CEP128: variants seen among roughly 807,000 people sequenced by gnomAD.
The protein encoded by CEP128 is centrosomal protein 128.
A neutral mutation model predicts 156.7 loss-of-function variants in CEP128; 132 were observed. The observed-to-expected ratio is 0.84, with a 90% CI of 0.73 to 0.97. The LOEUF (loss-of-function observed/expected upper bound fraction) is 0.97, where lower values mean the gene tolerates loss of function less well. CEP128 is among the 50% of genes least tolerant of loss of function. CEP128 has a pLI of 0.00. For synonymous variants in CEP128, 469 were observed against 448.9 expected, an observed-to-expected ratio of 1.04 and a Z score of -0.57; for missense variants, 1,252 against 1,281.9, an observed-to-expected ratio of 0.98 and a Z score of 0.36.
chr14:80,620,334 C>T (rs145790130), intron 19 of CEP128, among the ~76,000 whole-genome samples: 3,537 of 152,014 alleles, frequency 0.023, 53 homozygotes, highest in Non-Finnish European at 0.028. Context: ...ATTTGAGATG[C>T]TACATAATGA....
chr14:80,931,453 T>C (rs1885461258), intron 2 of CEP128, among the ~76,000 whole-genome samples: 1 of 152,234 alleles, frequency 6.6e-6, no homozygotes, highest in Non-Finnish European at 1.5e-5. Flanking sequence ...TGTCTGTTCT[T>C]GCAGCTCTGT....
rs574163480 is a variant in CEP128 at position 80,876,324 on chromosome 14, G to A, written c.646-13451C>T. Among the ~76,000 whole-genome samples the A allele has an allele frequency of 6.6e-5, 10 of 152,092 alleles. No individual in the cohort carries two copies. In the South Asian group the frequency reaches 1.9e-3, roughly 28 times the overall value. On this transcript the variant is annotated intron_variant, in intron 8 of 24. Coordinates refer to ENST00000555265, the MANE Select transcript of CEP128 (RefSeq NM_152446.5). The stretch of plus-strand genomic sequence containing the variant: ...TTAAAAAAAAAGCATCAGGCCGGGC[G>A]CAGTGGCTCATGCCTGTAATCCCAG...
chr14:80,658,655 A>C (rs1328584848), intron 19 of CEP128, among the ~76,000 whole-genome samples: 1 of 152,230 alleles, frequency 6.6e-6, no homozygotes, highest in African/African-American at 2.4e-5. Context: ...TCTTAAAATA[A>C]GAATGATGCA....
chr14:80,654,455 C>T (rs989299048), intron 19 of CEP128, among the ~76,000 whole-genome samples: 1 of 152,184 alleles, frequency 6.6e-6, no homozygotes, highest in South Asian at 2.1e-4. Context: ...ACAAGAACGA[C>T]TTAGTTTTCT....
In CEP128 at chr14:80,954,999, A is replaced by G. The variant is rs117253468; in HGVS notation, c.-172+3179T>C. ...GAGGCGGCCGCTGCCAGTCGACTCAACCACCGGAGTGGCCCCTGCAGTTGG... is the reference window on the plus strand; with the variant it reads ...GAGGCGGCCGCTGCCAGTCGACTCAGCCACCGGAGTGGCCCCTGCAGTTGG... On this transcript the variant is annotated intron_variant, in intron 2 of 7. Coordinates refer to the CEP128 transcript ENST00000555529. 6.6e-4 allele frequency: 101 copies of G among 153,190 alleles called. 1 individual carries two copies. The East Asian group carries it at 0.012, about 18-fold the overall frequency. 9.5% of individuals were successfully genotyped at this position (153,190 alleles called of 1,614,324 possible).
chr14:80,786,967 G>A (rs571267595), intron 14 of CEP128, among the ~76,000 whole-genome samples: 3 of 152,172 alleles, frequency 2.0e-5, no homozygotes, highest in African/African-American at 7.2e-5. Context: ...GGATAACTGA[G>A]GAGAAGGAAC....
rs1401346085 is a variant in CEP128, at chr14:80,864,708, C to T, written c.646-1835G>A. Among the ~76,000 whole-genome samples, 3 of 152,090 alleles carry T rather than the reference C, an allele frequency of 2.0e-5. No individual in the cohort carries two copies. The East Asian group carries it at 5.8e-4, about 29-fold the overall frequency. ...AGTACCAGGGATTACAGGCACCTGC[C>T]ACCACGCCTGGCTAATTTTTGTATT... is the stretch of plus-strand genomic sequence containing the variant. On this transcript the variant is annotated intron_variant, in intron 8 of 24. Coordinates refer to ENST00000555265, the MANE Select transcript of CEP128 (RefSeq NM_152446.5).
chr14:80,812,168 C>T (rs1884594133), intron 13 of CEP128, among the ~76,000 whole-genome samples: 1 of 152,152 alleles, frequency 6.6e-6, no homozygotes, highest in African/African-American at 2.4e-5. Context: ...TTTTCTGTTC[C>T]TGAGTTAATT....
chr14:80,528,227 T>C (rs1341206905), intron 22 of CEP128, among the ~76,000 whole-genome samples: 4 of 152,252 alleles, frequency 2.6e-5, no homozygotes, highest in African/African-American at 7.2e-5. Context: ...TAGAACTCAA[T>C]GCTATTCCCT....
chr14:80,836,290 C>T lies in CEP128; in HGVS notation c.972G>A (p.Lys324=). Residue 324 remains lysine (K), a synonymous_variant, in exon 12 of 25, where the codon AAG becomes AAA. Transcript: ENST00000555265. ...TCTGAGATACTTGATGCTGTAAACC[C>T]TTTCGATCACCTTCTGCTTTCGTAA... ...TQLTKAEGDR[K]GLQHQVSQIS... is the part of the protein sequence containing the mutation. 1 of 1,614,076 alleles carries T rather than the reference C, an allele frequency of 6.2e-7. No homozygotes were observed. The highest frequency in any genetic ancestry group is 8.5e-7 in the Non-Finnish European group (1 of 1,179,990).
chr14:80,783,999 A>G (rs999538321), intron 15 of CEP128, among the ~76,000 whole-genome samples: 5 of 152,194 alleles, frequency 3.3e-5, no homozygotes, highest in Non-Finnish European at 7.3e-5. Context: ...GATGTCAACT[A>G]TTTCAATATC....
intron 23 of CEP128, among the ~76,000 whole-genome samples, chr14:80,516,103 G>A (rs1203001324): frequency 2.0e-5 from 3 of 152,224 alleles, no homozygotes; most frequent in African/African-American, 7.2e-5. Context: ...CCTGACCTCA[G>A]GTGATTTGCA....
intron 19 of CEP128, among the ~76,000 whole-genome samples, chr14:80,673,645 CAAAAAAAAAAAAAAAA>C (rs4016509): frequency 2.3e-5 from 1 of 43,964 alleles, no homozygotes; most frequent in South Asian, 1.3e-3. Flanking sequence ...GACTCCGTCT[CAAAAAAAAAAAAAAAA>C]AAAAAAAAAA....
At chr14:80,705,383 T>C (rs527896828) in intron 19 of CEP128, among the ~76,000 whole-genome samples, 1 of 152,254 alleles carries the variant, frequency 6.6e-6, no homozygotes, top group Non-Finnish European at 1.5e-5. Flanking sequence ...ATGATTCCTA[T>C]GTATTCATGA....
chr14:80,515,574 G>A (rs189526849), intron 23 of CEP128, among the ~76,000 whole-genome samples: 6 of 152,232 alleles, frequency 3.9e-5, no homozygotes, highest in African/African-American at 1.4e-4. Flanking sequence ...TTCAGGTTGC[G>A]GTGAATGCTG....
At chr14:80,677,344 T>C (rs905240975) in intron 19 of CEP128, among the ~76,000 whole-genome samples, 1 of 151,856 alleles carries the variant, frequency 6.6e-6, no homozygotes, top group Admixed American at 6.6e-5. Flanking sequence ...ATGCCGTATC[T>C]GCTAAAAAAC....
At chr14:80,544,370 C>A (rs1046298656) in intron 21 of CEP128, among the ~76,000 whole-genome samples, 4 of 152,178 alleles carry the variant, frequency 2.6e-5, no homozygotes, top group African/African-American at 9.7e-5. Context: ...AGGCTGGGAA[C>A]TCCAAGACCA....
At chr14:80,539,769 T>C (rs1358976436) in intron 21 of CEP128, among the ~76,000 whole-genome samples, 3 of 152,106 alleles carry the variant, frequency 2.0e-5, no homozygotes. Flanking sequence ...GTAGGAGAGA[T>C]ATCGCCAAGT....
At chr14:80,664,616 G>A (rs1895537553) in intron 19 of CEP128, among the ~76,000 whole-genome samples, 1 of 152,172 alleles carries the variant, frequency 6.6e-6, no homozygotes, top group African/African-American at 2.4e-5. Context: ...CTGTGGCCAT[G>A]GAAGGATAAA....
Sources: allele counts gnomAD v4.1 joint callset (sites outside exome capture counted in the v4.1 genomes callset), GRCh38; gene constraint gnomAD v4.1.1; transcripts MANE v1.5; gene names NCBI Gene and HGNC (gene_info 2026-07-23, HGNC 2026-07-21).